The following SSUH2 variants were observed in gnomAD, a reference collection of about 807,000 sequenced individuals.
SSUH2 encodes ssu-2 homolog.
SSUH2 carries 47 observed loss-of-function variants against 55.3 expected under a neutral mutation model. That is an observed-to-expected ratio of 0.85 (90% CI 0.67 to 1.08). The LOEUF (loss-of-function observed/expected upper bound fraction) is 1.08, where lower values mean the gene tolerates loss of function less well. Ranked by LOEUF, SSUH2 falls within the 50% of genes least tolerant of loss-of-function variation. SSUH2 has a pLI of 0.00. For missense variants in SSUH2, 535 were observed against 490.7 expected, an observed-to-expected ratio of 1.09 and a Z score of -0.85; for synonymous variants, 212 against 191.5, an observed-to-expected ratio of 1.11 and a Z score of -0.89.
chr3:8,626,107 G>T (rs1697469780), intron 9 of SSUH2, 122 bp downstream of exon 9: 1 of 758,318 alleles, frequency 1.3e-6, no homozygotes, highest in Non-Finnish European at 2.3e-6. Flanking sequence ...CCCCTTCTAA[G>T]TCCTGGCAGG....
intron 8 of SSUH2, 125 bp from the exon 9 acceptor site, chr3:8,626,446 C>T (rs1189758846): frequency 2.9e-6 from 2 of 685,596 alleles, no homozygotes; most frequent in East Asian, 5.3e-5. Context: ...TTTGTACCTG[C>T]CCACCACCTA....
rs241654 is a variant in SSUH2 at position 8,659,850 on chromosome 3, T to G, written c.-395-837A>C. 1,306 of 454,004 alleles carry G rather than the reference T, an allele frequency of 2.9e-3. 2 individuals are homozygous for G. Among genetic ancestry groups the G allele is most frequent in the Non-Finnish European group, 4.1e-3 (924 of 225,806 alleles). 28.1% of individuals were successfully genotyped at this position (454,004 alleles called of 1,614,324 possible). A position where few individuals can be genotyped will look rare whatever the true frequency, so the allele number is the denominator to read the frequency against. On this transcript the variant is annotated intron_variant, in intron 6 of 18. Coordinates refer to the SSUH2 transcript ENST00000317371. ...AGAGAAGGAGGCAATTAGAACACAG[T>G]CAATAAATGCTATGGAAAGTGGCAT...
chr3:8,664,754 T>A (rs945068420), intron 5 of SSUH2, among the ~76,000 whole-genome samples: 1 of 151,928 alleles, frequency 6.6e-6, no homozygotes, highest in African/African-American at 2.4e-5. Context: ...TCACAATATC[T>A]CTCATCTATG....
chr3:8,665,079 T>G (rs1306518541), intron 5 of SSUH2, among the ~76,000 whole-genome samples: 2 of 152,320 alleles, frequency 1.3e-5, no homozygotes, highest in Non-Finnish European at 2.9e-5. Context: ...CATGTTTAAC[T>G]GCAGGAGTCC....
At chr3:8,681,575 A>G (rs540385) in intron 1 of SSUH2, among the ~76,000 whole-genome samples, 94,612 of 143,152 alleles carry the variant, frequency 0.66, 30,760 homozygotes, top group African/African-American at 0.75. Context: ...CCCCCAACGA[A>G]GCGGGGACTG....
rs1301008845 is a variant in SSUH2 at position 8,678,974 on chromosome 3, G to A, written c.-901+731C>T. ...GCTCTTGGGACGCCCATCGCAGGGCGGAGAGTCACCCCCCGCGAGGTGGGG... is the reference window on the plus strand; with the variant it reads ...GCTCTTGGGACGCCCATCGCAGGGCAGAGAGTCACCCCCCGCGAGGTGGGG... On this transcript the variant is annotated intron_variant, in intron 2 of 18. Transcript: ENST00000317371. Among the ~76,000 whole-genome samples the A allele has an allele frequency of 2.8e-5, 3 of 108,660 alleles. 1 individual carries two copies. The highest frequency in any genetic ancestry group is 8.9e-5 in the Admixed American group (1 of 11,208). The allele number at this position is 108,660 out of a possible 152,430, so 71.3% of individuals were successfully genotyped here. A position where few individuals can be genotyped will look rare whatever the true frequency, so the allele number is the denominator to read the frequency against.
chr3:8,620,069 T>TG (rs1696100277), intron 11 of SSUH2, 55 bp from the exon 12 acceptor site: 1 of 1,594,120 alleles, frequency 6.3e-7, no homozygotes, highest in South Asian at 1.2e-5. Flanking sequence ...GTCACTCACC[T>TG]GCTCAGGAAC....
rs1243721600 is a variant in SSUH2, at chr3:8,678,986, C to T, written c.-901+719G>A. 4.3e-3 allele frequency among the ~76,000 whole-genome samples: 460 copies of T among 107,294 alleles called. 16 individuals carry two copies. Among genetic ancestry groups the T allele is most frequent in the Non-Finnish European group, 7.0e-3 (316 of 45,028 alleles). 70.4% of individuals were successfully genotyped at this position (107,294 alleles called of 152,430 possible). A position where few individuals can be genotyped will look rare whatever the true frequency, so the allele number is the denominator to read the frequency against. On this transcript the variant is annotated intron_variant, in intron 2 of 18. Transcript: ENST00000317371. ...CCCATCGCAGGGCGGAGAGTCACCC[C>T]CCGCGAGGTGGGGACTGAGAGCCAG...
At chr3:8,632,910 G>A (rs765816336) in intron 4 of SSUH2, among the ~76,000 whole-genome samples, 1 of 152,162 alleles carries the variant, frequency 6.6e-6, no homozygotes, top group Non-Finnish European at 1.5e-5. Context: ...ATGAAGTGAG[G>A]ACATAGGCTT....
At chr3:8,654,549 C>G (rs1179614940) in intron 7 of SSUH2, among the ~76,000 whole-genome samples, 2 of 152,216 alleles carry the variant, frequency 1.3e-5, no homozygotes, top group Non-Finnish European at 2.9e-5. Flanking sequence ...GTACTTATGT[C>G]TACACATGTG....
chr3:8,630,579 G>A (rs1258436784), intron 6 of SSUH2, among the ~76,000 whole-genome samples: 2 of 152,220 alleles, frequency 1.3e-5, no homozygotes, highest in Non-Finnish European at 2.9e-5. Context: ...TAAATCGGAT[G>A]ATCTGTTTGC....
intron 5 of SSUH2, among the ~76,000 whole-genome samples, chr3:8,670,840 T>G (rs1704488906): frequency 6.6e-6 from 1 of 152,050 alleles, no homozygotes; most frequent in Non-Finnish European, 1.5e-5. Context: ...CCCTAGAATA[T>G]TATGAATAAT....
chr3:8,619,757 C>A lies in SSUH2; in HGVS notation c.*111G>T. 7.6e-7 allele frequency: 1 copy of A among 1,312,888 alleles called. No individual in the cohort carries two copies. Among genetic ancestry groups the A allele is most frequent in the Non-Finnish European group, 1.0e-6 (1 of 955,480 alleles). The allele number at this position is 1,312,888 out of a possible 1,614,324, so 81.3% of individuals were successfully genotyped here. On this transcript the variant is annotated 3_prime_UTR_variant, in exon 12 of 12. Transcript: ENST00000544814. ...AGCTGGTTTTTCTGGAAGGACATGC[C>A]AGGGTTTGTATGTGATTGTCCAATG...
intron 8 of SSUH2, among the ~76,000 whole-genome samples, chr3:8,626,691 G>A (rs1026529671): frequency 2.0e-5 from 3 of 152,228 alleles, no homozygotes; most frequent in Admixed American, 6.5e-5. Context: ...GATGTTTGTC[G>A]GGACTATCGG....
At chr3:8,681,649 C>T (rs1291457019) in intron 1 of SSUH2, among the ~76,000 whole-genome samples, 1 of 149,678 alleles carries the variant, frequency 6.7e-6, no homozygotes, top group Non-Finnish European at 1.5e-5. Flanking sequence ...AGGCACCCCC[C>T]GTGCGATGGG....
chr3:8,663,287 G>A lies in SSUH2; in HGVS notation c.-396+457C>T, dbSNP rs148486510. ...ATGTCTGACCGACCCCAAAGCCCAG[G>A]CTCTACCACACTGCATTATTCTGCT... On this transcript the variant is annotated intron_variant, in intron 6 of 18. Coordinates refer to the SSUH2 transcript ENST00000317371. Among the ~76,000 whole-genome samples, 613 of 152,330 alleles carry A rather than the reference G, an allele frequency of 4.0e-3. 6 individuals carry two copies. The highest frequency in any genetic ancestry group is 6.5e-3 in the Non-Finnish European group (445 of 68,036).
At chr3:8,621,080 C>T (rs1278440390) in intron 11 of SSUH2, among the ~76,000 whole-genome samples, 2 of 152,242 alleles carry the variant, frequency 1.3e-5, no homozygotes, top group African/African-American at 2.4e-5. Flanking sequence ...TTACTGGCAA[C>T]TACACTTCGT....
At chr3:8,648,307 GTGTGTTGTTA>G (rs1186787957), upstream of SSUH2, among the ~76,000 whole-genome samples, 3 of 152,234 alleles carry the variant, frequency 2.0e-5, no homozygotes, top group Non-Finnish European at 4.4e-5. Context: ...AAACAATTCT[GTGTGTTGTTA>G]TGTGTCGTTG....
intron 8 of SSUH2, 70 bp downstream of exon 8, chr3:8,627,628 C>T: frequency 7.4e-7 from 1 of 1,349,216 alleles, no homozygotes; most frequent in South Asian, 1.5e-5. Context: ...TGTTTGCCTT[C>T]CAGATGGGCA....
Sources: allele counts gnomAD v4.1 joint callset (sites outside exome capture counted in the v4.1 genomes callset), GRCh38; gene constraint gnomAD v4.1.1; transcripts MANE v1.5; gene names NCBI Gene and HGNC (gene_info 2026-07-23, HGNC 2026-07-21).